OSTM1: variants seen among roughly 807,000 people sequenced by gnomAD.
The protein encoded by OSTM1 is osteoclastogenesis associated transmembrane protein 1, also known as osteopetrosis-associated transmembrane protein 1.
In OSTM1, 26 loss-of-function variants were observed where a neutral mutation model predicts 35.4. The observed-to-expected ratio is 0.73, with a 90% CI of 0.54 to 1.02. The LOEUF (loss-of-function observed/expected upper bound fraction) is 1.02. OSTM1 is among the 50% of genes least tolerant of loss of function. OSTM1 has a pLI of 0.00. For missense variants in OSTM1, 366 were observed against 409.6 expected (o/e 0.89, Z 0.92); for synonymous variants, 181 against 165.0 (o/e 1.10, Z -0.75).
rs1411945563 is a variant in OSTM1, at chr6:108,074,493, C to T, written c.159G>A (p.Leu53=). The T allele has an allele frequency of 1.9e-6, 3 of 1,558,352 alleles. No individual in the cohort carries two copies. The highest frequency in any genetic ancestry group is 2.7e-5 in the African/African-American group (2 of 73,388). ...GGGACAGGGACAAGTCCTCCACCTC[C>T]AGCAACTGCTGCTCCGACAGGAGGT... The part of the protein sequence containing the change: ...FHDLLSEQQL[L]EVEDLSLSLL... The change falls in exon 1 of 6, where the codon CTG becomes CTA. Residue 53 remains leucine (L), a synonymous_variant. Transcript: ENST00000193322.
At chr6:108,061,108 T>C (rs1772263212) in intron 2 of OSTM1, among the ~76,000 whole-genome samples, 1 of 151,914 alleles carries the variant, frequency 6.6e-6, no homozygotes, top group African/African-American at 2.4e-5. Context: ...ATCATATTTA[T>C]ACTAGAAAAT....
chr6:108,057,163 A>G (rs1445308149), intron 2 of OSTM1, among the ~76,000 whole-genome samples: 1 of 152,148 alleles, frequency 6.6e-6, no homozygotes, highest in Non-Finnish European at 1.5e-5. Flanking sequence ...GGGGAGGTCG[A>G]GGCTGCAATA....
At chr6:108,070,513 T>C (rs1332482345) in intron 1 of OSTM1, among the ~76,000 whole-genome samples, 1 of 152,228 alleles carries the variant, frequency 6.6e-6, no homozygotes, top group Non-Finnish European at 1.5e-5. Flanking sequence ...CTTATCCTTT[T>C]ACCAGCCCAA....
chr6:108,046,331 C>G (rs1202431291), intron 5 of OSTM1, among the ~76,000 whole-genome samples: 2 of 136,966 alleles, frequency 1.5e-5, no homozygotes, highest in South Asian at 4.8e-4. Context: ...ACCAATGTCT[C>G]TGGTTTCTTT....
chr6:108,072,890 T>C (rs536127037), intron 1 of OSTM1, among the ~76,000 whole-genome samples: 27 of 152,238 alleles, frequency 1.8e-4, no homozygotes, highest in Admixed American at 7.2e-4. Context: ...CCCGAGTAGC[T>C]GGAACTACAG....
At chr6:108,053,631 A>G (rs1270468322) in intron 3 of OSTM1, among the ~76,000 whole-genome samples, 1 of 152,102 alleles carries the variant, frequency 6.6e-6, no homozygotes, top group African/African-American at 2.4e-5. Flanking sequence ...AAGCCTGGCT[A>G]AGTTTTGTAT....
chr6:108,043,042 A>C lies in OSTM1; in HGVS notation c.*1743T>G, dbSNP rs1410958916. The C allele has an allele frequency of 6.6e-6, 1 of 152,214 alleles. No homozygotes were observed. Among genetic ancestry groups the C allele is most frequent in the Non-Finnish European group, 1.5e-5 (1 of 68,028 alleles). The allele number at this position is 152,214 out of a possible 1,614,324, so 9.4% of individuals were successfully genotyped here. ...CAATGACTCAACCAGAAAAAATAGT[A>C]AAGGCTGCCTTTTCCTTTTTAAAGT... On this transcript the variant is annotated 3_prime_UTR_variant, in exon 6 of 6. Coordinates refer to ENST00000193322, the MANE Select transcript of OSTM1 (RefSeq NM_014028.4).
chr6:108,056,936 G>A (rs934885776), intron 2 of OSTM1, among the ~76,000 whole-genome samples: 1 of 152,148 alleles, frequency 6.6e-6, no homozygotes, highest in Non-Finnish European at 1.5e-5. Flanking sequence ...AAGTTAATAA[G>A]CCATTGATAT....
Position 108,051,299 on chromosome 6 carries a change from G to A in OSTM1, c.616-101C>T, listed in dbSNP as rs112805412. 530 of 825,916 alleles carry A rather than the reference G, an allele frequency of 6.4e-4. 2 individuals are homozygous for A. The African/African-American group carries it at 8.5e-3, about 13-fold the overall frequency. The allele number at this position is 825,916 out of a possible 1,614,324, so 51.2% of individuals were successfully genotyped here. On this transcript the variant is annotated intron_variant, in intron 3 of 5. Transcript: ENST00000193322. ...CTTCTAGAAGACGGGAAACAATATG[G>A]TGTGTTAAAGTGCTAAGCTGTGATG...
At chr6:108,072,007 T>A (rs1311402781) in intron 1 of OSTM1, among the ~76,000 whole-genome samples, 6 of 152,152 alleles carry the variant, frequency 3.9e-5, no homozygotes, top group Admixed American at 3.9e-4. Flanking sequence ...CACCCTAGAG[T>A]TTGAGGTGCT....
chr6:108,057,330 T>C (rs533094800), intron 2 of OSTM1, among the ~76,000 whole-genome samples: 1 of 152,236 alleles, frequency 6.6e-6, no homozygotes, highest in African/African-American at 2.4e-5. Flanking sequence ...AATTACATAG[T>C]TTTTGTACAT....
intron 1 of OSTM1, among the ~76,000 whole-genome samples, chr6:108,067,096 G>A (rs542724490): frequency 2.6e-5 from 4 of 152,188 alleles, no homozygotes; most frequent in African/African-American, 4.8e-5. Context: ...ATCCCAAACC[G>A]TACTCCTCAC....
intron 3 of OSTM1, among the ~76,000 whole-genome samples, chr6:108,053,303 C>A (rs1201359355): frequency 6.6e-6 from 1 of 152,112 alleles, no homozygotes; most frequent in African/African-American, 2.4e-5. Context: ...CCACAGGTAA[C>A]TGAAACTGTG....
At chr6:108,063,542 CAT>C (rs1263253863) in intron 2 of OSTM1, among the ~76,000 whole-genome samples, 1 of 152,172 alleles carries the variant, frequency 6.6e-6, no homozygotes, top group African/African-American at 2.4e-5. Flanking sequence ...CTGCCTAGCA[CAT>C]AGTTGGTATT....
chr6:108,058,749 G>T (rs1310611366), intron 2 of OSTM1, among the ~76,000 whole-genome samples: 1 of 152,054 alleles, frequency 6.6e-6, no homozygotes, highest in South Asian at 2.1e-4. Context: ...CTGCACTCCG[G>T]CCTGGGTGAC....
chr6:108,072,903 G>T lies in OSTM1; in HGVS notation c.402+1347C>A, dbSNP rs1380289548. On this transcript the variant is annotated intron_variant, in intron 1 of 5. Coordinates refer to ENST00000193322, the MANE Select transcript of OSTM1 (RefSeq NM_014028.4). ...TTCCCGAGTAGCTGGAACTACAGAC[G>T]TGTACCGCAATTCTTCTGCCTCAGC... Among the ~76,000 whole-genome samples, 13 of 152,086 alleles carry T rather than the reference G, an allele frequency of 8.5e-5. 1 individual carries two copies. Among genetic ancestry groups the T allele is most frequent in the Non-Finnish European group, 1.9e-4 (13 of 68,034 alleles).
chr6:108,064,325 T>TA, intron 1 of OSTM1, 26 bp from the exon 2 acceptor site: 1 of 1,230,316 alleles, frequency 8.1e-7, no homozygotes, highest in Non-Finnish European at 1.2e-6. Context: ...GACAGAAAAA[T>TA]ACAATCTGAG....
chr6:108,049,362 A>G lies in OSTM1; in HGVS notation c.840T>C (p.Ser280=). 1 of 1,613,046 alleles carries G rather than the reference A, an allele frequency of 6.2e-7. No individual in the cohort carries two copies. ...SRTFNCSVPC[S]DTVPVIAVSV... ...AAACAGCAATTACAGGCACTGTGTCACTGCAAGGGACTGAACAGTTGAAAG... is the reference window on the plus strand; with the variant it reads ...AAACAGCAATTACAGGCACTGTGTCGCTGCAAGGGACTGAACAGTTGAAAG... Residue 280 remains serine, a synonymous_variant, in exon 5 of 6, where the codon AGT becomes AGC. Transcript: ENST00000193322.
rs1181939981 is a variant in OSTM1 at position 108,074,268 on chromosome 6, G to A, written c.384C>T (p.Asn128=). ...TACCCACCCCCGCGGCTCGGCTGAT[G>A]TTGTCCATCTTGCTGACGACCTGTT... The part of the protein sequence containing the change: ...LFQQVVSKMD[N]ISRAAGNTSE... Residue 128 remains asparagine, a synonymous_variant, in exon 1 of 6, where the codon AAC becomes AAT. Transcript: ENST00000193322. The A allele has an allele frequency of 4.3e-6, 7 of 1,612,354 alleles. No homozygotes were observed. The highest frequency in any genetic ancestry group is 5.9e-6 in the Non-Finnish European group (7 of 1,179,976).
Sources: allele counts gnomAD v4.1 joint callset (sites outside exome capture counted in the v4.1 genomes callset), GRCh38; gene constraint gnomAD v4.1.1; transcripts MANE v1.5; gene names NCBI Gene and HGNC (gene_info 2026-07-23, HGNC 2026-07-21).